ARHGAP39: variants seen among roughly 807,000 people sequenced by gnomAD.
ARHGAP39 encodes the protein rho GTPase-activating protein 39.
ARHGAP39 carries 44 observed loss-of-function variants against 106.9 expected under a neutral mutation model. The observed-to-expected ratio is 0.41, with a 90% CI of 0.32 to 0.53. The LOEUF is 0.53. Ranked by LOEUF, ARHGAP39 falls within the 20% of genes least tolerant of loss-of-function variation. The pLI is 0.21. For missense variants in ARHGAP39, 1,496 were observed against 1,577.3 expected (o/e 0.95, Z 0.87); for synonymous variants, 768 against 693.2 (o/e 1.11, Z -1.69).
intron 1 of ARHGAP39, among the ~76,000 whole-genome samples, chr8:144,619,425 C>T (rs568567161): frequency 3.5e-4 from 53 of 150,428 alleles, no homozygotes; most frequent in Admixed American, 1.8e-3. Context: ...TGCGTGAGCC[C>T]GTGTGTCCCT....
At chr8:144,694,498 G>A in the ARHGAP39 span, among the ~76,000 whole-genome samples, 1 of 152,202 alleles carries the variant, frequency 6.6e-6, no homozygotes, top group Non-Finnish European at 1.5e-5. Flanking sequence ...TTTATAAAGT[G>A]CCTGTGAAAA....
At chr8:144,668,649 G>A (rs1822021626) in intron 1 of ARHGAP39, among the ~76,000 whole-genome samples, 1 of 152,096 alleles carries the variant, frequency 6.6e-6, no homozygotes, top group African/African-American at 2.4e-5. Context: ...ATTGTTGAAA[G>A]AAATTAAAGA....
intron 1 of ARHGAP39, among the ~76,000 whole-genome samples, chr8:144,628,325 C>T (rs1298951509): frequency 6.6e-6 from 1 of 152,004 alleles, no homozygotes; most frequent in Non-Finnish European, 1.5e-5. Flanking sequence ...CCCAGTCATT[C>T]AAGCAGGGGA....
intron 2 of ARHGAP39, among the ~76,000 whole-genome samples, chr8:144,602,198 T>C (rs1376270503): frequency 1.5e-5 from 2 of 134,422 alleles, no homozygotes; most frequent in Non-Finnish European, 3.1e-5. Flanking sequence ...TGTGTGTGCA[T>C]GGAGGCGTGC....
At chr8:144,690,793 C>A (rs1462251920), upstream of ARHGAP39, among the ~76,000 whole-genome samples, 3 of 150,974 alleles carry the variant, frequency 2.0e-5, no homozygotes, top group Admixed American at 1.3e-4. Flanking sequence ...TACAGGCACA[C>A]ACCACCACAC....
At chr8:144,552,760 T>A (rs537940276) in intron 4 of ARHGAP39, among the ~76,000 whole-genome samples, 4 of 152,094 alleles carry the variant, frequency 2.6e-5, no homozygotes, top group Admixed American at 6.5e-5. Flanking sequence ...TTCACTGTAC[T>A]CAGGGCTGGG....
Position 144,612,794 on chromosome 8 carries a change from A to G in ARHGAP39, c.-81-7099T>C, listed in dbSNP as rs367836734. On this transcript the variant is annotated intron_variant, in intron 1 of 11. Coordinates refer to ENST00000377307, the MANE Select transcript of ARHGAP39 (RefSeq NM_025251.3). Reference sequence around the variant, plus strand: ...CACTCCAGCCAGGGGGATAGAGTGAAGTGAGCCACGGCTGCACCACTGCAC... The same window carrying G: ...CACTCCAGCCAGGGGGATAGAGTGAGGTGAGCCACGGCTGCACCACTGCAC... Among the ~76,000 whole-genome samples the G allele has an allele frequency of 3.6e-3, 375 of 103,198 alleles. 1 individual carries two copies. The East Asian group carries it at 0.041, about 11-fold the overall frequency. 67.7% of individuals were successfully genotyped at this position (103,198 alleles called of 152,430 possible). A position where few individuals can be genotyped will look rare whatever the true frequency, so the allele number is the denominator to read the frequency against.
At chr8:144,538,923 T>C (rs1207088560) in intron 6 of ARHGAP39, among the ~76,000 whole-genome samples, 5 of 152,148 alleles carry the variant, frequency 3.3e-5, no homozygotes, top group Non-Finnish European at 5.9e-5. Context: ...GTCTTTATCT[T>C]GTTGCTCAAC....
chr8:144,544,830 G>A (rs1817340444), intron 6 of ARHGAP39, among the ~76,000 whole-genome samples: 2 of 152,270 alleles, frequency 1.3e-5, no homozygotes, highest in Non-Finnish European at 2.9e-5. Flanking sequence ...GCCCAGAAGA[G>A]ACAACCCGGA....
intron 1 of ARHGAP39, 129 bp from the exon 2 acceptor site, chr8:144,605,824 C>T (rs1820270515): frequency 6.8e-6 from 4 of 592,452 alleles, no homozygotes; most frequent in Non-Finnish European, 3.0e-6. Context: ...GTGAGCCGCC[C>T]CCGGGCAGCC....
In ARHGAP39 at chr8:144,649,297, C is replaced by A. The variant is rs547990156; in HGVS notation, c.-82+36389G>T. Among the ~76,000 whole-genome samples, 184 of 151,254 alleles carry A rather than the reference C, an allele frequency of 1.2e-3. 1 individual carries two copies. The highest frequency in any genetic ancestry group is 3.6e-3 in the African/African-American group (147 of 41,276). ...CTCTACTAAAAATACAAAAAAAAAA[C>A]CAATTAGCCAGGTGTGGTGGCGGGC... On this transcript the variant is annotated intron_variant, in intron 1 of 11. Transcript: ENST00000377307.
In ARHGAP39 at chr8:144,604,024, G is replaced by C. The variant is rs1050272682; in HGVS notation, c.80+1511C>G. Among the ~76,000 whole-genome samples the C allele has an allele frequency of 2.6e-5, 4 of 152,224 alleles. No individual in the cohort carries two copies. Among genetic ancestry groups the C allele is most frequent in the Admixed American group, 2.0e-4 (3 of 15,284 alleles). On this transcript the variant is annotated intron_variant, in intron 2 of 11. Transcript: ENST00000377307. The surrounding 1 kb of genome is among the most constrained non-coding windows in gnomAD (Gnocchi z 4.1). ...AGCCCACATCAGCGAACAAACGAATGAAGAACGAACAAACGAATGAACAAG... is the reference window on the plus strand; with the variant it reads ...AGCCCACATCAGCGAACAAACGAATCAAGAACGAACAAACGAATGAACAAG...
intron 2 of ARHGAP39, 97 bp from the exon 3 acceptor site, chr8:144,581,374 C>T: frequency 7.7e-7 from 1 of 1,304,984 alleles, no homozygotes; most frequent in Non-Finnish European, 1.0e-6. Flanking sequence ...GCTGCGAAAC[C>T]CAGAAATCCT....
intron 3 of ARHGAP39, among the ~76,000 whole-genome samples, chr8:144,566,079 G>C (rs1397919410): frequency 4.0e-5 from 6 of 150,828 alleles, no homozygotes; most frequent in Non-Finnish European, 1.5e-5. Flanking sequence ...GGGCTACAGA[G>C]CGAGACCCTG....
rs369655978 is a variant in ARHGAP39 at position 144,591,224 on chromosome 8, A to G, written c.81-9947T>C. Among the ~76,000 whole-genome samples the G allele has an allele frequency of 3.2e-4, 49 of 152,250 alleles. No homozygotes were observed. The highest frequency in any genetic ancestry group is 5.6e-4 in the Non-Finnish European group (38 of 68,010). ...CTCCCCAGCCGGAGCCTGGACCCCAATGGACAGCTGCTCTGTGCTCCCGTG... is the reference window on the plus strand; with the variant it reads ...CTCCCCAGCCGGAGCCTGGACCCCAGTGGACAGCTGCTCTGTGCTCCCGTG... On this transcript the variant is annotated intron_variant, in intron 2 of 11. Transcript: ENST00000377307. The surrounding 1 kb of genome is among the most constrained non-coding windows in gnomAD (Gnocchi z 5.3).
intron 3 of ARHGAP39, among the ~76,000 whole-genome samples, chr8:144,580,371 C>T (rs1026007650): frequency 1.3e-5 from 2 of 152,252 alleles, no homozygotes; most frequent in East Asian, 1.9e-4. Context: ...CCCTCAGACA[C>T]TGCTCTCAGG....
At chr8:144,602,439 A>G (rs1465464010) in intron 2 of ARHGAP39, among the ~76,000 whole-genome samples, 4 of 103,904 alleles carry the variant, frequency 3.8e-5, no homozygotes, top group South Asian at 3.3e-4. Flanking sequence ...GTGTGCATGG[A>G]GTTGTGCGTG....
intron 3 of ARHGAP39, among the ~76,000 whole-genome samples, chr8:144,560,471 C>T (rs533318490): frequency 6.6e-6 from 1 of 152,252 alleles, no homozygotes; most frequent in East Asian, 1.9e-4. Flanking sequence ...AAATGGCAAA[C>T]GTTAAAGTTG....
Position 144,645,734 on chromosome 8 carries a change from G to A in ARHGAP39, c.-82+39952C>T, listed in dbSNP as rs1188553264. ...CAGACGTGCTCTCAGGAAGCAGAGC[G>A]ATACACCTTGGATGGCAGAGGTTTA... On this transcript the variant is annotated intron_variant, in intron 1 of 11. Transcript: ENST00000377307. This position sits in a 1 kb window ranked among gnomAD's most constrained non-coding sequence, Gnocchi z 4.4. Among the ~76,000 whole-genome samples the A allele has an allele frequency of 1.3e-5, 2 of 152,248 alleles. No individual in the cohort carries two copies. The highest frequency in any genetic ancestry group is 4.8e-5 in the African/African-American group (2 of 41,456).
Sources: gnomAD v4.1 joint callset for allele counts (sites outside exome capture counted in the v4.1 genomes callset) on GRCh38, gnomAD v4.1.1 for gene constraint, Gnocchi (gnomAD v3.1) non-coding constraint, MANE v1.5 for transcripts, NCBI Gene and HGNC (gene_info 2026-07-23, HGNC 2026-07-21) for gene names.